The following ATG5 variants were observed in gnomAD, a reference collection of about 807,000 sequenced individuals.
The protein encoded by ATG5 is autophagy protein 5.
ATG5 carries 14 observed loss-of-function variants against 36.5 expected under a neutral mutation model. The observed-to-expected ratio is 0.38, with a 90% CI of 0.25 to 0.60. The LOEUF is 0.60. Among genes scored for constraint, ATG5 ranks in the 20% least tolerant of loss-of-function variants. The pLI, the probability that ATG5 is intolerant of heterozygous loss-of-function variation, is 0.60. For missense variants in ATG5, 195 were observed against 326.7 expected, an observed-to-expected ratio of 0.60 and a Z score of 3.11; for synonymous variants, 95 against 101.5, an observed-to-expected ratio of 0.94 and a Z score of 0.38.
chr6:106,287,070 A>C (rs541420051), intron 4 of ATG5, among the ~76,000 whole-genome samples: 1 of 152,240 alleles, frequency 6.6e-6, no homozygotes, highest in Non-Finnish European at 1.5e-5. Context: ...AATACAACAT[A>C]CTATTGATAG....
At chr6:106,279,848 T>C in intron 4 of ATG5, 25 bp from the exon 5 acceptor site, 2 of 1,407,896 alleles carry the variant, frequency 1.4e-6, no homozygotes, top group Non-Finnish European at 1.9e-6. Flanking sequence ...AATATACATA[T>C]AAAACAGGAT....
chr6:106,188,233 A>C (rs1219706897), intron 7 of ATG5, among the ~76,000 whole-genome samples: 2 of 152,204 alleles, frequency 1.3e-5, no homozygotes, highest in African/African-American at 2.4e-5. Flanking sequence ...CATTGCTTAT[A>C]AGTTCCAGTT....
chr6:106,216,828 G>C (rs995971183), intron 6 of ATG5, among the ~76,000 whole-genome samples: 1 of 152,022 alleles, frequency 6.6e-6, no homozygotes, highest in Non-Finnish European at 1.5e-5. Context: ...ACTGCACTAT[G>C]ATCATACCTG....
intron 6 of ATG5, among the ~76,000 whole-genome samples, chr6:106,243,541 A>T (rs998389684): frequency 4.2e-4 from 63 of 151,710 alleles, no homozygotes; most frequent in Non-Finnish European, 7.4e-4. Flanking sequence ...AAAAAAAAAA[A>T]AAAAATAGGC....
chr6:106,256,833 C>T (rs576396606), intron 5 of ATG5, among the ~76,000 whole-genome samples: 1 of 152,252 alleles, frequency 6.6e-6, no homozygotes, highest in South Asian at 2.1e-4. Flanking sequence ...CATTACTATA[C>T]TCTACTGTAG....
chr6:106,314,075 T>A (rs1310611897), intron 2 of ATG5, among the ~76,000 whole-genome samples: 1 of 152,224 alleles, frequency 6.6e-6, no homozygotes, highest in East Asian at 1.9e-4. Flanking sequence ...AAGACAATCC[T>A]CTTTCTCCTA....
chr6:106,249,317 T>C (rs1486934879), intron 5 of ATG5, among the ~76,000 whole-genome samples: 7 of 152,192 alleles, frequency 4.6e-5, no homozygotes, highest in Non-Finnish European at 1.0e-4. Context: ...GTTTGCCTAT[T>C]CCAGACATTT....
In ATG5 at chr6:106,308,422, T is replaced by C; in HGVS notation, c.178A>G (p.Met60Val). 11 of 1,601,508 alleles carry C rather than the reference T, an allele frequency of 6.9e-6. No individual in the cohort carries two copies. Among genetic ancestry groups the C allele is most frequent in the East Asian group, 2.3e-5 (1 of 43,934 alleles). Reference sequence around the variant, plus strand: ...ATCTCACTAATGTCTTCTTGTCTCATAACCTTCTGAAAGTGCTTTTTCACT... The same window carrying C: ...ATCTCACTAATGTCTTCTTGTCTCACAACCTTCTGAAAGTGCTTTTTCACT... ...DKVKKHFQKV[M>V]RQEDISEIWF... is the part of the protein sequence containing the mutation. Residue 60 changes from methionine to valine, a missense_variant, in exon 3 of 8, where the codon ATG becomes GTG. Physicochemically the swap from Met to Val is conservative, Grantham distance 21. Transcript: ENST00000369076.
At chr6:106,305,491 T>C (rs1031094909) in intron 3 of ATG5, among the ~76,000 whole-genome samples, 2 of 152,174 alleles carry the variant, frequency 1.3e-5, no homozygotes, top group Non-Finnish European at 2.9e-5. Flanking sequence ...TTAATTGAAT[T>C]CAGGGACAGA....
In ATG5 at chr6:106,204,325, T is replaced by C. The variant is rs571469948; in HGVS notation, c.574-2236A>G. Among the ~76,000 whole-genome samples, 15 of 152,344 alleles carry C rather than the reference T, an allele frequency of 9.8e-5. No individual in the cohort carries two copies. In the South Asian group the frequency reaches 2.1e-3, roughly 21 times the overall value. On this transcript the variant is annotated intron_variant, in intron 6 of 7. Coordinates refer to ENST00000369076, the MANE Select transcript of ATG5 (RefSeq NM_004849.4). Reference sequence around the variant, plus strand: ...TATGTTTATGTATTCACTGAATACATAGTATTTTAAAATAGTAATCCAATA... The same window carrying C: ...TATGTTTATGTATTCACTGAATACACAGTATTTTAAAATAGTAATCCAATA...
intron 6 of ATG5, among the ~76,000 whole-genome samples, chr6:106,224,342 G>A (rs1368093813): frequency 6.6e-6 from 1 of 152,192 alleles, no homozygotes; most frequent in African/African-American, 2.4e-5. Context: ...AAGGACCCAT[G>A]AGCTAAATCA....
At chr6:106,210,376 AC>A in intron 6 of ATG5, among the ~76,000 whole-genome samples, 1 of 152,240 alleles carries the variant, frequency 6.6e-6, no homozygotes, top group South Asian at 2.1e-4. Context: ...TCTTATAAGA[AC>A]CAAAATCAGA....
At chr6:106,230,311 C>T (rs995286261) in intron 6 of ATG5, among the ~76,000 whole-genome samples, 2 of 152,198 alleles carry the variant, frequency 1.3e-5, no homozygotes, top group East Asian at 1.9e-4. Context: ...TGCCTAAGAA[C>T]TGTTGTTTAT....
At position 106,205,480 on chromosome 6, in the gene ATG5, C is replaced by G. The variant is rs955742076; in HGVS notation, c.574-3391G>C. Among the ~76,000 whole-genome samples the G allele has an allele frequency of 9.9e-5, 15 of 152,234 alleles. 2 individuals are homozygous for G. The highest frequency in any genetic ancestry group is 7.8e-4 in the Admixed American group (12 of 15,300). On this transcript the variant is annotated intron_variant, in intron 6 of 7. Transcript: ENST00000369076. ...TGAATATCCTCATTTGATCATTACA[C>G]ATTGCATGCTTATAGCAAAAGATTA...
At chr6:106,324,662 T>C (rs1771222963) in intron 1 of ATG5, among the ~76,000 whole-genome samples, 1 of 152,234 alleles carries the variant, frequency 6.6e-6, no homozygotes, top group African/African-American at 2.4e-5. Flanking sequence ...TCCATATCCA[T>C]ACAGTTCCAT....
intron 3 of ATG5, among the ~76,000 whole-genome samples, chr6:106,305,948 T>G (rs1367990448): frequency 2.0e-5 from 3 of 152,162 alleles, no homozygotes; most frequent in African/African-American, 7.2e-5. Flanking sequence ...TATTCACGCC[T>G]CATATATATG....
rs966536118 is a variant in ATG5, at chr6:106,200,116, T to C, written c.691+1856A>G. Among the ~76,000 whole-genome samples the C allele has an allele frequency of 3.9e-5, 6 of 152,280 alleles. No individual in the cohort carries two copies. The East Asian group carries it at 1.2e-3, about 29-fold the overall frequency. The stretch of plus-strand genomic sequence containing the variant: ...TTACATACATGTAGGAATGCTAGTA[T>C]AAGCAAGCATACTTGACTAAGGAAA... On this transcript the variant is annotated intron_variant, in intron 7 of 7. Coordinates refer to ENST00000369076, the MANE Select transcript of ATG5 (RefSeq NM_004849.4).
At chr6:106,257,605 C>G (rs1778849748) in intron 5 of ATG5, among the ~76,000 whole-genome samples, 1 of 152,182 alleles carries the variant, frequency 6.6e-6, no homozygotes, top group Non-Finnish European at 1.5e-5. Flanking sequence ...AATTCTGGTT[C>G]CACCTCTTGG....
At chr6:106,317,742 G>A (rs1252759850) in intron 1 of ATG5, among the ~76,000 whole-genome samples, 1 of 152,052 alleles carries the variant, frequency 6.6e-6, no homozygotes, top group African/African-American at 2.4e-5. Flanking sequence ...TCTGCATTTG[G>A]CAAAAAATTT....
Sources: allele counts gnomAD v4.1 joint callset (sites outside exome capture counted in the v4.1 genomes callset), GRCh38; gene constraint gnomAD v4.1.1; transcripts MANE v1.5; gene names NCBI Gene and HGNC (gene_info 2026-07-23, HGNC 2026-07-21).